XRCC5: variants seen among roughly 807,000 people sequenced by gnomAD.
XRCC5 encodes the protein X-ray repair cross complementing 5, also known as DNA repair protein Ku80.
Under a neutral mutation model 95.7 loss-of-function variants are expected in XRCC5, and 12 were observed. That is an observed-to-expected ratio of 0.13 (90% CI 0.08 to 0.20). XRCC5 has a LOEUF of 0.20. Among genes scored for constraint, XRCC5 ranks in the 10% least tolerant of loss-of-function variants. The pLI is 1.00. For missense variants in XRCC5, 595 were observed against 873.9 expected, an observed-to-expected ratio of 0.68 and a Z score of 4.02; for synonymous variants, 281 against 290.3, an observed-to-expected ratio of 0.97 and a Z score of 0.33.
intron 8 of XRCC5, chr2:216,130,664 T>G (rs1696981552): frequency 2.5e-6 from 1 of 398,412 alleles, no homozygotes; most frequent in Non-Finnish European, 4.4e-6. Context: ...TAATTAGATT[T>G]TAATCATCTC....
intron 19 of XRCC5, among the ~76,000 whole-genome samples, chr2:216,203,232 C>G (rs947466191): frequency 6.6e-6 from 1 of 152,162 alleles, no homozygotes; most frequent in Admixed American, 6.5e-5. Flanking sequence ...CAGAATGCCT[C>G]TAGGGGCCAG....
intron 19 of XRCC5, among the ~76,000 whole-genome samples, chr2:216,198,573 AGAG>A (rs1689777108): frequency 1.3e-5 from 2 of 149,808 alleles, no homozygotes; most frequent in African/African-American, 5.0e-5. Flanking sequence ...TTATTTATTT[AGAG>A]ACAGAGTCTC....
intron 13 of XRCC5, among the ~76,000 whole-genome samples, chr2:216,147,584 T>C (rs926735380): frequency 1.3e-5 from 2 of 152,048 alleles, no homozygotes; most frequent in Admixed American, 1.3e-4. Context: ...AGTATTCTCA[T>C]CTCTTTTGCA....
chr2:216,192,907 A>C (rs1476237796), intron 18 of XRCC5, among the ~76,000 whole-genome samples, 172 bp downstream of exon 18: 1 of 152,220 alleles, frequency 6.6e-6, no homozygotes, highest in Non-Finnish European at 1.5e-5. Flanking sequence ...CGGTGAACTC[A>C]AACTCTCCCT....
chr2:216,114,102 T>C lies in XRCC5; in HGVS notation c.135+973T>C, dbSNP rs1696640678. ...AATGAGAATAATGATACCTGTCACA[T>C]AGGGTAGTTTTGAAGAATAAAAGAA... On this transcript the variant is annotated intron_variant, in intron 2 of 20. Coordinates refer to ENST00000392132, the MANE Select transcript of XRCC5 (RefSeq NM_021141.4). Among the ~76,000 whole-genome samples the C allele has an allele frequency of 3.3e-5, 5 of 152,184 alleles. No individual in the cohort carries two copies. The South Asian group carries it at 1.0e-3, about 31-fold the overall frequency.
At chr2:216,135,312 G>A (rs1697057461) in intron 10 of XRCC5, among the ~76,000 whole-genome samples, 1 of 152,122 alleles carries the variant, frequency 6.6e-6, no homozygotes, top group South Asian at 2.1e-4. Flanking sequence ...GAGAGCCAGA[G>A]ATTAGTAAAG....
chr2:216,190,008 T>G (rs1689585077), intron 16 of XRCC5, among the ~76,000 whole-genome samples: 1 of 152,236 alleles, frequency 6.6e-6, no homozygotes, highest in Non-Finnish European at 1.5e-5. Context: ...AATTAATTTC[T>G]TGACAAATAT....
chr2:216,186,379 A>G (rs1018735684), intron 16 of XRCC5, among the ~76,000 whole-genome samples: 6 of 152,222 alleles, frequency 3.9e-5, no homozygotes, highest in Admixed American at 3.9e-4. Flanking sequence ...TGTATTTCAG[A>G]TTAAACAAGA....
intron 16 of XRCC5, among the ~76,000 whole-genome samples, chr2:216,167,087 GTC>G (rs1689066584): frequency 6.6e-6 from 1 of 152,174 alleles, no homozygotes; most frequent in African/African-American, 2.4e-5. Flanking sequence ...TTTAAAAAAA[GTC>G]TGTCAAGAGA....
intron 14 of XRCC5, among the ~76,000 whole-genome samples, chr2:216,153,372 T>C (rs1205914708): frequency 1.3e-5 from 2 of 152,198 alleles, no homozygotes; most frequent in Non-Finnish European, 2.9e-5. Context: ...TGTTTTTGTG[T>C]TGATATTCTG....
intron 16 of XRCC5, among the ~76,000 whole-genome samples, chr2:216,184,074 G>GTGTGTGT: frequency 1.5e-5 from 2 of 133,388 alleles, no homozygotes; most frequent in African/African-American, 5.8e-5. Flanking sequence ...GTGTGTGTGT[G>GTGTGTGT]ATTTAGAGAA....
intron 5 of XRCC5, among the ~76,000 whole-genome samples, chr2:216,121,675 T>C (rs1696814773): frequency 6.6e-6 from 1 of 152,110 alleles, no homozygotes; most frequent in Non-Finnish European, 1.5e-5. Flanking sequence ...AAATAATGAT[T>C]TTGGGGGACA....
intron 5 of XRCC5, 107 bp downstream of exon 5, chr2:216,119,272 T>C: frequency 1.6e-6 from 2 of 1,231,036 alleles, no homozygotes; most frequent in East Asian, 2.5e-5. Context: ...CGCTTTCTGC[T>C]CCAAGGCTGA....
rs149955064 is a variant in XRCC5 at position 216,167,928 on chromosome 2, G to A, written c.1834+5880G>A. On this transcript the variant is annotated intron_variant, in intron 16 of 20. Coordinates refer to ENST00000392132, the MANE Select transcript of XRCC5 (RefSeq NM_021141.4). Reference sequence around the variant, plus strand: ...AAAATTCATGATTAAGGATTCCAGAGGTTTAGTCTGTACTTTGTATTTTTA... The same window carrying A: ...AAAATTCATGATTAAGGATTCCAGAAGTTTAGTCTGTACTTTGTATTTTTA... 1.4e-3 allele frequency among the ~76,000 whole-genome samples: 217 copies of A among 152,096 alleles called. 1 individual carries two copies. Among genetic ancestry groups the A allele is most frequent in the African/African-American group, 4.9e-3 (205 of 41,498 alleles).
rs567476790 is a variant in XRCC5, at chr2:216,116,646, C to T, written c.136-13C>T. On this transcript the variant is annotated splice_polypyrimidine_tract_variant and intron_variant, in intron 2 of 20. Coordinates refer to ENST00000392132, the MANE Select transcript of XRCC5 (RefSeq NM_021141.4). ...TCTAATATGGTTTTCAGCCATCTGA[C>T]ATTTTTTTCTAGGTGTTTGCTGAGA... 1 of 1,614,026 alleles carries T rather than the reference C, an allele frequency of 6.2e-7. No individual in the cohort carries two copies. The highest frequency in any genetic ancestry group is 1.1e-5 in the South Asian group (1 of 91,082).
chr2:216,148,037 A>G (rs763520292), intron 13 of XRCC5, 46 bp from the exon 14 acceptor site: 3 of 1,571,014 alleles, frequency 1.9e-6, no homozygotes, highest in South Asian at 2.4e-5. Flanking sequence ...TAAAGAAGCC[A>G]TATATGTCTC....
chr2:216,118,176 GT>G (rs796937806), intron 4 of XRCC5, among the ~76,000 whole-genome samples: 455 of 140,568 alleles, frequency 3.2e-3, no homozygotes, highest in African/African-American at 9.1e-3. Flanking sequence ...GTTTTTTGTT[GT>G]TTTTTTTTTT....
intron 1 of XRCC5, among the ~76,000 whole-genome samples, chr2:216,109,873 C>T (rs915776838): frequency 6.6e-5 from 10 of 152,136 alleles, no homozygotes; most frequent in Non-Finnish European, 1.5e-4. Flanking sequence ...GCAACTATCC[C>T]ACAGGGCTTG....
chr2:216,138,070 C>A lies in XRCC5; in HGVS notation c.1252-19C>A, dbSNP rs1319594812. ...TTAATTTCATCGTTTCTGCTTTTAC[C>A]CCCTTTCTTTCTCATTAGTGTTTAG... On this transcript the variant is annotated intron_variant, in intron 11 of 20. Coordinates refer to ENST00000392132, the MANE Select transcript of XRCC5 (RefSeq NM_021141.4). 1.9e-6 allele frequency: 3 copies of A among 1,563,068 alleles called. No homozygotes were observed. Among genetic ancestry groups the A allele is most frequent in the Non-Finnish European group, 2.6e-6 (3 of 1,147,670 alleles).
Sources: gnomAD v4.1 joint callset for allele counts (sites outside exome capture counted in the v4.1 genomes callset) on GRCh38, gnomAD v4.1.1 for gene constraint, MANE v1.5 for transcripts, NCBI Gene and HGNC (gene_info 2026-07-23, HGNC 2026-07-21) for gene names.